HECTD3: variants seen among roughly 807,000 people sequenced by gnomAD.
HECTD3 encodes the protein HECT domain E3 ubiquitin protein ligase 3.
In HECTD3, 72 loss-of-function variants were observed where a neutral mutation model predicts 109.3. That is an observed-to-expected ratio of 0.66 (90% confidence interval 0.54 to 0.80). HECTD3 has a LOEUF of 0.80. HECTD3 is among the 30% of genes least tolerant of loss of function. The probability of loss-of-function intolerance (pLI) is 0.00; values close to 1 mark genes in which losing one functional copy is unlikely to be tolerated. For synonymous variants in HECTD3, 481 were observed against 471.8 expected, an observed-to-expected ratio of 1.02 and a Z score of -0.25; for missense variants, 1,041 against 1,165.2, an observed-to-expected ratio of 0.89 and a Z score of 1.55.
At chr1:45,008,971 C>A (rs1438113201) in intron 7 of HECTD3, among the ~76,000 whole-genome samples, 173 bp downstream of exon 7, 1 of 152,190 alleles carries the variant, frequency 6.6e-6, no homozygotes, top group Non-Finnish European at 1.5e-5. Context: ...TAAGGCAGGC[C>A]TATACCTGGC....
rs745709328 is a variant in HECTD3 at position 45,006,039 on chromosome 1, G to A, written c.1803C>T (p.Ile601=). The change falls in exon 14 of 21, where the codon ATC becomes ATT. Residue 601 remains isoleucine (I), a synonymous_variant. Transcript: ENST00000372172. This position sits in a 1 kb window ranked among gnomAD's most constrained non-coding sequence, Gnocchi z 4.7. The part of the protein sequence containing the change: ...SCRDFAKYEW[I]GQLMGAALRG... Reference sequence around the variant, plus strand: ...GAAGGGCAGCCCCCATCAGCTGTCCGATCCATTCATACTTGGCAAAGTCTC... The same window carrying A: ...GAAGGGCAGCCCCCATCAGCTGTCCAATCCATTCATACTTGGCAAAGTCTC... The A allele has an allele frequency of 9.3e-6, 15 of 1,614,028 alleles. No individual in the cohort carries two copies. Among genetic ancestry groups the A allele is most frequent in the South Asian group, 2.2e-5 (2 of 91,088 alleles).
In HECTD3 at chr1:45,003,253, G is replaced by A. The variant is rs1408386624; in HGVS notation, c.*239C>T. 3.7e-6 allele frequency: 2 copies of A among 544,984 alleles called. No individual in the cohort carries two copies. The highest frequency in any genetic ancestry group is 6.6e-6 in the Non-Finnish European group (2 of 301,630). The allele number at this position is 544,984 out of a possible 1,614,324, so 33.8% of individuals were successfully genotyped here. On this transcript the variant is annotated 3_prime_UTR_variant, in exon 21 of 21. Transcript: ENST00000372172. The surrounding 1 kb of genome is among the most constrained non-coding windows in gnomAD (Gnocchi z 4.7). Reference sequence around the variant, plus strand: ...GGGCTTGTGGAAGATTCCCTCTTAAGAGGTGAAATACCTCGGGAAGCAAGC... The same window carrying A: ...GGGCTTGTGGAAGATTCCCTCTTAAAAGGTGAAATACCTCGGGAAGCAAGC...
In HECTD3 at chr1:45,009,125, T is replaced by C. The variant is rs1644760847; in HGVS notation, c.1072+19A>G. On this transcript the variant is annotated intron_variant, in intron 7 of 20. Transcript: ENST00000372172. ...TCCACGCCGGGCTCTCTTTCCCTCCTTATAGCCTTAAACCTCACCTCGGCA... is the reference window on the plus strand; with the variant it reads ...TCCACGCCGGGCTCTCTTTCCCTCCCTATAGCCTTAAACCTCACCTCGGCA... 1 of 1,605,472 alleles carries C rather than the reference T, an allele frequency of 6.2e-7. No homozygotes were observed. Among genetic ancestry groups the C allele is most frequent in the African/African-American group, 1.3e-5 (1 of 74,746 alleles).
In HECTD3 at chr1:45,010,964, G is replaced by C. The variant is rs531677496; in HGVS notation, c.294C>G (p.Leu98=). Residue 98 remains leucine, a synonymous_variant, in exon 1 of 21, where the codon CTC becomes CTG. Transcript: ENST00000372172. ...TGGTGCGCACGCAGGCGCCGCGCCG[G>C]AGCTCAATGCTGTCGCGGGCGGCGC... ...PLRAARDSIE[L]RRGACVRTTG... The C allele has an allele frequency of 2.0e-6, 3 of 1,533,354 alleles. No individual in the cohort carries two copies. The African/African-American group carries it at 4.3e-5, about 22-fold the overall frequency. 95.0% of individuals were successfully genotyped at this position (1,533,354 alleles called of 1,614,324 possible).
chr1:45,004,471 G>T, intron 16 of HECTD3, 94 bp from the exon 17 acceptor site: 2 of 1,601,588 alleles, frequency 1.2e-6, no homozygotes, highest in Non-Finnish European at 1.7e-6. Context: ...CAGCAGAAAG[G>T]TGGCACTGAG....
chr1:45,005,909 C>G (rs1389601807), intron 14 of HECTD3, 26 bp from the exon 15 acceptor site: 1 of 1,604,664 alleles, frequency 6.2e-7, no homozygotes, highest in South Asian at 1.1e-5. Flanking sequence ...TCCCCACTGT[C>G]TTCTCACCCT....
rs549377202 is a variant in HECTD3 at position 45,011,223 on chromosome 1, G to T, written c.35C>A (p.Ser12Tyr). The T allele has an allele frequency of 6.3e-6, 9 of 1,420,014 alleles. No individual in the cohort carries two copies. Among genetic ancestry groups the T allele is most frequent in the South Asian group, 4.4e-5 (3 of 67,420 alleles). 88.0% of individuals were successfully genotyped at this position (1,420,014 alleles called of 1,614,324 possible). A position where few individuals can be genotyped will look rare whatever the true frequency, so the allele number is the denominator to read the frequency against. ...AGPGPGAVLE[S>Y]PRQLLGRVRF... The stretch of plus-strand genomic sequence containing the variant: ...CACGCGGCCCAGCAGCTGCCGGGGG[G>T]ACTCCAGCACCGCGCCCGGGCCAGG... Residue 12 changes from serine to tyrosine, a missense_variant, in exon 1 of 21, where the codon TCC (serine) becomes TAC (tyrosine). By Grantham distance (144) the Ser-to-Tyr change is moderately radical. Coordinates refer to ENST00000372172, the MANE Select transcript of HECTD3 (RefSeq NM_024602.6).
rs1470620092 is a variant in HECTD3 at position 45,003,259 on chromosome 1, AAAT to A, written c.*230_*232del. 11 of 554,628 alleles carry A rather than the reference AAAT, an allele frequency of 2.0e-5. No homozygotes were observed. Among genetic ancestry groups the A allele is most frequent in the Non-Finnish European group, 3.3e-5 (10 of 307,454 alleles). The allele number at this position is 554,628 out of a possible 1,614,324, so 34.4% of individuals were successfully genotyped here. On this transcript the variant is annotated 3_prime_UTR_variant, in exon 21 of 21. Coordinates refer to ENST00000372172, the MANE Select transcript of HECTD3 (RefSeq NM_024602.6). The surrounding 1 kb of genome is among the most constrained non-coding windows in gnomAD (Gnocchi z 4.7). ...GTGGAAGATTCCCTCTTAAGAGGTGAAATACCTCGGGAAGCAAGCCCCAGCACG... is the reference window on the plus strand; with the variant it reads ...GTGGAAGATTCCCTCTTAAGAGGTGAACCTCGGGAAGCAAGCCCCAGCACG...
At chr1:45,009,774 T>C in intron 4 of HECTD3, 91 bp from the exon 5 acceptor site, 4 of 1,181,578 alleles carry the variant, frequency 3.4e-6, no homozygotes, top group Middle Eastern at 2.6e-4. Flanking sequence ...AGAGAAAGCA[T>C]AGTGAAGTTG....
intron 9 of HECTD3, among the ~76,000 whole-genome samples, chr1:45,007,883 T>G (rs1644750392): frequency 6.7e-6 from 1 of 148,178 alleles, no homozygotes. Context: ...AACCAGGACC[T>G]GTCTCCTGCC....
rs752872387 is a variant in HECTD3 at position 45,008,340 on chromosome 1, C to T, written c.1239-19G>A. 16 of 1,603,356 alleles carry T rather than the reference C, an allele frequency of 1.0e-5. No individual in the cohort carries two copies. Among genetic ancestry groups the T allele is most frequent in the Non-Finnish European group, 1.3e-5 (15 of 1,170,220 alleles). Reference sequence around the variant, plus strand: ...GATGAATCTGGCATGGGTAGATAGACTGCAGCTAAAGAGTTTAGCATACCT... The same window carrying T: ...GATGAATCTGGCATGGGTAGATAGATTGCAGCTAAAGAGTTTAGCATACCT... On this transcript the variant is annotated intron_variant, in intron 8 of 20. Transcript: ENST00000372172.
rs1156558386 is a variant in HECTD3, at chr1:45,011,110, T to C, written c.148A>G (p.Lys50Glu). The C allele has an allele frequency of 2.0e-6, 3 of 1,512,174 alleles. No homozygotes were observed. The African/African-American group carries it at 4.3e-5, about 22-fold the overall frequency. The allele number at this position is 1,512,174 out of a possible 1,614,324, so 93.7% of individuals were successfully genotyped here. ...LAFVPREVLYKLYKDPAGPSR... is the reference protein window; with the variant it reads ...LAFVPREVLYELYKDPAGPSR... ...GGTCCCGCTGGGTCCTTGTAAAGCT[T>C]GTAGAGCACCTCTCGCGGCACGAAA... The change falls in exon 1 of 21, where the codon AAG becomes GAG. Residue 50 changes from lysine to glutamate, a missense_variant. By Grantham distance (56) the Lys-to-Glu change is moderately conservative. Transcript: ENST00000372172.
chr1:45,004,398 C>T (rs771459941), intron 16 of HECTD3, 21 bp from the exon 17 acceptor site: 1 of 1,613,846 alleles, frequency 6.2e-7, no homozygotes, highest in East Asian at 2.2e-5. Context: ...GGTAAAAAGG[C>T]TTGGCTGGGG....
chr1:45,008,505 G>A (rs1644755954), intron 8 of HECTD3, 31 bp downstream of exon 8: 1 of 1,605,796 alleles, frequency 6.2e-7, no homozygotes, highest in Non-Finnish European at 8.5e-7. Context: ...TGGGGGAAGG[G>A]AAGGGCCCAT....
rs1215891725 is a variant in HECTD3, at chr1:45,008,708, G to A, written c.1073-7C>T. ...CGAACATCAATCCCATCATCTGGGGGAAGGGGTCAGAGTAAGGTCATTTAC... is the reference window on the plus strand; with the variant it reads ...CGAACATCAATCCCATCATCTGGGGAAAGGGGTCAGAGTAAGGTCATTTAC... On this transcript the variant is annotated splice_region_variant and splice_polypyrimidine_tract_variant and intron_variant, in intron 7 of 20. Transcript: ENST00000372172. 2.5e-6 allele frequency: 4 copies of A among 1,612,372 alleles called. No homozygotes were observed. The highest frequency in any genetic ancestry group is 1.3e-5 in the African/African-American group (1 of 74,880).
chr1:45,005,652 C>T lies in HECTD3; in HGVS notation c.1935+142G>A, dbSNP rs1557727629. On this transcript the variant is annotated intron_variant, in intron 15 of 20. Transcript: ENST00000372172. ...CAGGATTTTAGGGGTCACGAGTCTA[C>T]AGACAGTAGTTGAAGCCATGGGAGT... 4.7e-6 allele frequency: 3 copies of T among 641,150 alleles called. No homozygotes were observed. In the African/African-American group the frequency reaches 5.5e-5, roughly 12 times the overall value. 39.7% of individuals were successfully genotyped at this position (641,150 alleles called of 1,614,324 possible). A position where few individuals can be genotyped will look rare whatever the true frequency, so the allele number is the denominator to read the frequency against.
Position 45,010,107 on chromosome 1 carries a change from G to A in HECTD3, c.638C>T (p.Thr213Ile). The change falls in exon 4 of 21, where the codon ACA becomes ATA. Residue 213 changes from threonine to isoleucine, a missense_variant. Around this residue, in one of 2 missense-constraint regions of HECTD3, gnomAD observed 472 missense variants for 449.9 expected, o/e 1.05. Coordinates refer to ENST00000372172, the MANE Select transcript of HECTD3 (RefSeq NM_024602.6). ...GTCCTCGTCGCACTCGTAGGTCCAT[G>A]TCGGGGGTACATAGCTAAGCAACCC... ...AVQRLLYVPPTWTYECDEDLI... is the reference protein window; with the variant it reads ...AVQRLLYVPPIWTYECDEDLI... The A allele has an allele frequency of 1.9e-6, 3 of 1,606,952 alleles. No individual in the cohort carries two copies. The highest frequency in any genetic ancestry group is 2.2e-5 in the South Asian group (2 of 90,762).
Position 45,003,449 on chromosome 1 carries a change from G to C in HECTD3, c.*43C>G, listed in dbSNP as rs1301508224. ...GTCTTCGCCCTGGGCAAGGCCAAGA[G>C]GGACACGTGCAGTCTTGCTGGTCCC... On this transcript the variant is annotated 3_prime_UTR_variant, in exon 21 of 21. Coordinates refer to ENST00000372172, the MANE Select transcript of HECTD3 (RefSeq NM_024602.6). This position sits in a 1 kb window ranked among gnomAD's most constrained non-coding sequence, Gnocchi z 4.7. 1 of 1,574,206 alleles carries C rather than the reference G, an allele frequency of 6.4e-7. No homozygotes were observed. The highest frequency in any genetic ancestry group is 2.2e-5 in the East Asian group (1 of 44,614).
Position 45,009,943 on chromosome 1 carries a change from G to A in HECTD3, c.759+43C>T, listed in dbSNP as rs372411923. ...CTTTCTGGATCTAGCCTTGAGGGGT[G>A]TGACTATATCTTGCCTGGGGTGGGA... is the stretch of plus-strand genomic sequence containing the variant. On this transcript the variant is annotated intron_variant, in intron 4 of 20. Transcript: ENST00000372172. 130 of 1,516,584 alleles carry A rather than the reference G, an allele frequency of 8.6e-5. 1 individual carries two copies. The highest frequency in any genetic ancestry group is 4.9e-4 in the Admixed American group (22 of 44,570). 93.9% of individuals were successfully genotyped at this position (1,516,584 alleles called of 1,614,324 possible).
Sources: gnomAD v4.1 joint callset for allele counts (sites outside exome capture counted in the v4.1 genomes callset) on GRCh38, gnomAD v4.1.1 for gene constraint, gnomAD v4.1.1 regional missense constraint, Gnocchi (gnomAD v3.1) non-coding constraint, MANE v1.5 for transcripts, NCBI Gene and HGNC (gene_info 2026-07-23, HGNC 2026-07-21) for gene names.